The following CMTM8 variants were observed in gnomAD, a reference collection of about 807,000 sequenced individuals.
The protein encoded by CMTM8 is CKLF-like MARVEL transmembrane domain-containing protein 8.
A neutral mutation model predicts 18.6 loss-of-function variants in CMTM8; 12 were observed. That is an observed-to-expected ratio of 0.65 (90% CI 0.41 to 1.05). The LOEUF is 1.05. CMTM8 is among the 50% of genes least tolerant of loss of function. CMTM8 has a pLI of 0.00. For missense variants in CMTM8, 217 were observed against 227.2 expected (o/e 0.95, Z 0.29); for synonymous variants, 87 against 90.6 (o/e 0.96, Z 0.23).
chr3:32,306,422 G>A (rs1168035712), intron 1 of CMTM8, among the ~76,000 whole-genome samples: 1 of 152,198 alleles, frequency 6.6e-6, no homozygotes, highest in Non-Finnish European at 1.5e-5. Context: ...CACTTGATGG[G>A]AGGAACTGAA....
At chr3:32,242,922 C>G (rs1427510076) in intron 1 of CMTM8, among the ~76,000 whole-genome samples, 7 of 151,336 alleles carry the variant, frequency 4.6e-5, no homozygotes, top group Non-Finnish European at 1.0e-4. Context: ...CAGTGGGTCT[C>G]ATAATGTCAC....
chr3:32,345,930 A>G (rs911358360), intron 1 of CMTM8, among the ~76,000 whole-genome samples: 4 of 152,232 alleles, frequency 2.6e-5, no homozygotes, highest in Non-Finnish European at 5.9e-5. Flanking sequence ...CAAGGTGGGC[A>G]GATCACCTGA....
At chr3:32,302,811 C>T (rs1479163669) in intron 1 of CMTM8, among the ~76,000 whole-genome samples, 1 of 152,178 alleles carries the variant, frequency 6.6e-6, no homozygotes, top group Non-Finnish European at 1.5e-5. Context: ...TGTGCGCATA[C>T]ACACCAAGTA....
At chr3:32,320,150 CAT>C (rs1210134778) in intron 1 of CMTM8, among the ~76,000 whole-genome samples, 1 of 152,202 alleles carries the variant, frequency 6.6e-6, no homozygotes, top group Non-Finnish European at 1.5e-5. Flanking sequence ...GAAATGAAAA[CAT>C]ATGCTCACAC....
chr3:32,275,521 A>G (rs1160998895), intron 1 of CMTM8, among the ~76,000 whole-genome samples: 1 of 152,170 alleles, frequency 6.6e-6, no homozygotes, highest in Non-Finnish European at 1.5e-5. Flanking sequence ...GTAAGAACTC[A>G]TAACCCTTGT....
chr3:32,283,593 T>G (rs1340140937), intron 1 of CMTM8, among the ~76,000 whole-genome samples: 2 of 152,210 alleles, frequency 1.3e-5, no homozygotes, highest in African/African-American at 4.8e-5. Context: ...GCCGGGCAGT[T>G]GACCGTCATA....
At chr3:32,330,096 A>G (rs1696242933) in intron 1 of CMTM8, among the ~76,000 whole-genome samples, 1 of 152,094 alleles carries the variant, frequency 6.6e-6, no homozygotes, top group African/African-American at 2.4e-5. Context: ...ATAGAAAGAC[A>G]TTCTATGTTC....
At chr3:32,301,754 A>G (rs1695623041) in intron 1 of CMTM8, among the ~76,000 whole-genome samples, 1 of 152,036 alleles carries the variant, frequency 6.6e-6, no homozygotes, top group Non-Finnish European at 1.5e-5. Context: ...AAGAAAGAAA[A>G]ATAGTATTTT....
chr3:32,262,258 C>T (rs1702269430), intron 1 of CMTM8, among the ~76,000 whole-genome samples: 2 of 152,318 alleles, frequency 1.3e-5, no homozygotes, highest in African/African-American at 4.8e-5. Flanking sequence ...ACCTTCTTGG[C>T]TATGTCTGCC....
At chr3:32,260,367 A>G (rs1702239779) in intron 1 of CMTM8, 1 of 537,524 alleles carries the variant, frequency 1.9e-6, no homozygotes, top group Non-Finnish European at 3.3e-6. Flanking sequence ...TATATTTTTC[A>G]TGTGCTTTAA....
At chr3:32,361,286 G>GTTTTTTTTTTGTTTTTTTTTTTTTTTT (rs58364646) in intron 2 of CMTM8, among the ~76,000 whole-genome samples, 1 of 87,228 alleles carries the variant, frequency 1.1e-5, no homozygotes, top group African/African-American at 4.0e-5. Flanking sequence ...CAGCCTAAGA[G>GTTTTTTTTTTGTTTTTTTTTTTTTTTT]TTTTTTTTTC....
intron 1 of CMTM8, among the ~76,000 whole-genome samples, chr3:32,245,951 G>A (rs1230222114): frequency 6.6e-6 from 1 of 152,108 alleles, no homozygotes; most frequent in Non-Finnish European, 1.5e-5. Flanking sequence ...GAGTAACTGG[G>A]TTTACAGGTA....
At chr3:32,359,972 G>GC (rs1180393135) in intron 2 of CMTM8, among the ~76,000 whole-genome samples, 1 of 152,098 alleles carries the variant, frequency 6.6e-6, no homozygotes, top group East Asian at 1.9e-4. Context: ...CCTGCTCCAG[G>GC]CCCCCTCTGC....
At chr3:32,268,145 G>A (rs572672455) in intron 1 of CMTM8, among the ~76,000 whole-genome samples, 42 of 152,266 alleles carry the variant, frequency 2.8e-4, no homozygotes, top group African/African-American at 8.9e-4. Context: ...ACATGCACAC[G>A]TATGTTTATT....
At chr3:32,241,788 A>G (rs1376463019) in intron 1 of CMTM8, among the ~76,000 whole-genome samples, 1 of 152,222 alleles carries the variant, frequency 6.6e-6, no homozygotes, top group Non-Finnish European at 1.5e-5. Flanking sequence ...AATACCACTT[A>G]CAACTGACCC....
At chr3:32,369,603 A>C (rs1346332536) in intron 3 of CMTM8, among the ~76,000 whole-genome samples, 1 of 152,196 alleles carries the variant, frequency 6.6e-6, no homozygotes, top group African/African-American at 2.4e-5. Context: ...TAGAAATGAT[A>C]CACTTTCCTC....
intron 1 of CMTM8, among the ~76,000 whole-genome samples, chr3:32,340,977 T>G (rs1696480665): frequency 6.6e-6 from 1 of 152,228 alleles, no homozygotes; most frequent in Non-Finnish European, 1.5e-5. Flanking sequence ...ATATATCACC[T>G]TTCTTGCAAG....
At chr3:32,265,135 A>G (rs1283812305) in intron 1 of CMTM8, among the ~76,000 whole-genome samples, 1 of 152,208 alleles carries the variant, frequency 6.6e-6, no homozygotes, top group Non-Finnish European at 1.5e-5. Flanking sequence ...TCCGCCCCAA[A>G]TCAACAGAAT....
chr3:32,308,449 C>T (rs1218008144), intron 1 of CMTM8, among the ~76,000 whole-genome samples: 1 of 152,216 alleles, frequency 6.6e-6, no homozygotes, highest in Non-Finnish European at 1.5e-5. Context: ...CTAAGCATTT[C>T]CAGCCCGCAG....
Sources: gnomAD v4.1 joint callset for allele counts (sites outside exome capture counted in the v4.1 genomes callset) on GRCh38, gnomAD v4.1.1 for gene constraint, MANE v1.5 for transcripts, NCBI Gene and HGNC (gene_info 2026-07-23, HGNC 2026-07-21) for gene names.